DYNC1I2: variants seen among roughly 807,000 people sequenced by gnomAD.
The protein encoded by DYNC1I2 is dynein cytoplasmic 1 intermediate chain 2.
DYNC1I2 carries 53 observed loss-of-function variants against 88.6 expected under a neutral mutation model. The observed-to-expected ratio is 0.60, with a 90% CI of 0.48 to 0.75. The LOEUF (loss-of-function observed/expected upper bound fraction) is 0.75, where lower values mean the gene tolerates loss of function less well. Ranked by LOEUF, DYNC1I2 falls within the 30% of genes least tolerant of loss-of-function variation. DYNC1I2 has a pLI of 0.00. For synonymous variants in DYNC1I2, 198 were observed against 254.6 expected (o/e 0.78, Z 2.12); for missense variants, 458 against 766.6 (o/e 0.60, Z 4.75).
At chr2:171,707,883 C>T (rs1686802084) in intron 5 of DYNC1I2, among the ~76,000 whole-genome samples, 1 of 152,144 alleles carries the variant, frequency 6.6e-6, no homozygotes, top group South Asian at 2.1e-4. Flanking sequence ...CTAAGGACAA[C>T]ATTGAGAATG....
At chr2:171,709,622 T>A (rs984631190) in intron 5 of DYNC1I2, among the ~76,000 whole-genome samples, 4 of 152,248 alleles carry the variant, frequency 2.6e-5, no homozygotes, top group African/African-American at 9.6e-5. Context: ...TAATATTTTT[T>A]AAAGTATTTG....
At chr2:171,739,696 C>CTCTCTCTCTCTCTTTTTTTTTTTT (rs1689267774) in intron 15 of DYNC1I2, among the ~76,000 whole-genome samples, 15 of 65,092 alleles carry the variant, frequency 2.3e-4, no homozygotes, top group African/African-American at 8.6e-4. Flanking sequence ...TGACATATCT[C>CTCTCTCTCTCTCTTTTTTTTTTTT]TTTTTTTTTT....
chr2:171,725,957 A>G lies in DYNC1I2; in HGVS notation c.646A>G (p.Ile216Val), dbSNP rs1189079584. 6.3e-7 allele frequency: 1 copy of G among 1,586,632 alleles called. No individual in the cohort carries two copies. Among genetic ancestry groups the G allele is most frequent in the Non-Finnish European group, 8.5e-7 (1 of 1,172,698 alleles). ...GCTGACTGAAGAAGAAAAGCAACAA[A>G]TCTTGCACTCTGAGGAATTTTTAAG... ...HELTEEEKQQ[I>V]LHSEEFLSFF... Residue 216 changes from isoleucine to valine, a missense_variant, in exon 9 of 18, where the codon ATC becomes GTC. Physicochemically the swap from Ile to Val is conservative, Grantham distance 29. Around this residue, in one of 5 missense-constraint regions of DYNC1I2, gnomAD observed 203 missense variants for 354.2 expected, o/e 0.57. Coordinates refer to ENST00000397119, the MANE Select transcript of DYNC1I2 (RefSeq NM_001378.3).
rs138940034 is a variant in DYNC1I2, at chr2:171,692,949, C to G, written c.226+55C>G. ...AGATAGGCATAGATTCTGTTCAGCTCAGACATAGCTGAGTGGATTGACTTG... is the reference window on the plus strand; with the variant it reads ...AGATAGGCATAGATTCTGTTCAGCTGAGACATAGCTGAGTGGATTGACTTG... On this transcript the variant is annotated intron_variant, in intron 3 of 17. Coordinates refer to ENST00000397119, the MANE Select transcript of DYNC1I2 (RefSeq NM_001378.3). The G allele has an allele frequency of 5.7e-5, 70 of 1,219,552 alleles. No individual in the cohort carries two copies. In the East Asian group the frequency reaches 1.6e-3, roughly 28 times the overall value. The allele number at this position is 1,219,552 out of a possible 1,614,324, so 75.5% of individuals were successfully genotyped here.
At chr2:171,743,456 G>A (rs1350201103) in intron 15 of DYNC1I2, among the ~76,000 whole-genome samples, 1 of 152,186 alleles carries the variant, frequency 6.6e-6, no homozygotes, top group Non-Finnish European at 1.5e-5. Context: ...TTTTGCTGCT[G>A]TTCTCAGATT....
chr2:171,735,202 C>T (rs1437791160), intron 15 of DYNC1I2, among the ~76,000 whole-genome samples: 3 of 152,198 alleles, frequency 2.0e-5, no homozygotes, highest in Non-Finnish European at 1.5e-5. Context: ...TTGGCACAGC[C>T]TCAAATTTAG....
rs1321987671 is a variant in DYNC1I2 at position 171,707,287 on chromosome 2, T to G, written c.245T>G (p.Val82Gly). Residue 82 changes from valine (V) to glycine (G), a missense_variant and splice_region_variant, in exon 5 of 18, where the codon GTC (valine) becomes GGC (glycine). By Grantham distance (109) the Val-to-Gly change is moderately radical. Transcript: ENST00000397119. Reference protein sequence around the residue: ...ESPIVFSEYWVPPPMSPSSKS... With the variant: ...ESPIVFSEYWGPPPMSPSSKS... ...GATACCTGTCTATTTCACTATTTAG[T>G]CCCTCCTCCTATGTCTCCATCCTCC... is the stretch of plus-strand genomic sequence containing the variant. The G allele has an allele frequency of 6.2e-7, 1 of 1,613,856 alleles. No homozygotes were observed. The highest frequency in any genetic ancestry group is 8.5e-7 in the Non-Finnish European group (1 of 1,179,772).
chr2:171,719,445 C>T lies in DYNC1I2; in HGVS notation c.511+4002C>T, dbSNP rs1687756142. On this transcript the variant is annotated intron_variant, in intron 7 of 17. Transcript: ENST00000397119. ...TAACTGTTCTTGTGCTTACCCATCACGTTAATACAGTGGTTCTCAAACTTT... is the reference window on the plus strand; with the variant it reads ...TAACTGTTCTTGTGCTTACCCATCATGTTAATACAGTGGTTCTCAAACTTT... Among the ~76,000 whole-genome samples, 5 of 152,116 alleles carry T rather than the reference C, an allele frequency of 3.3e-5. No individual in the cohort carries two copies. The South Asian group carries it at 8.3e-4, about 25-fold the overall frequency.
intron 3 of DYNC1I2, among the ~76,000 whole-genome samples, chr2:171,700,951 C>G (rs1686210074): frequency 6.6e-6 from 1 of 152,000 alleles, no homozygotes; most frequent in Non-Finnish European, 1.5e-5. Flanking sequence ...GTTTTATAGC[C>G]TGTCTTAGGT....
intron 3 of DYNC1I2, among the ~76,000 whole-genome samples, chr2:171,703,180 C>G (rs1306997390): frequency 6.6e-6 from 1 of 152,184 alleles, no homozygotes; most frequent in Non-Finnish European, 1.5e-5. Context: ...GTCTTACCGC[C>G]TGGTAAGGGC....
intron 5 of DYNC1I2, among the ~76,000 whole-genome samples, chr2:171,709,964 A>C (rs1185979656): frequency 6.6e-6 from 1 of 152,070 alleles, no homozygotes; most frequent in Non-Finnish European, 1.5e-5. Context: ...TGATCCACCC[A>C]CCTCAGCCTC....
In DYNC1I2 at chr2:171,697,037, G is replaced by A. The variant is rs111270250; in HGVS notation, c.226+4143G>A. 9.6e-3 allele frequency among the ~76,000 whole-genome samples: 1,456 copies of A among 151,794 alleles called. 36 individuals are homozygous for A. Among genetic ancestry groups the A allele is most frequent in the African/African-American group, 0.033 (1,372 of 41,388 alleles). On this transcript the variant is annotated intron_variant, in intron 3 of 17. Transcript: ENST00000397119. ...TATTTTTGAGACAAGGTCTTGCTCT[G>A]TCACCTCGGCTGGAATGCAGTGGTG...
At position 171,715,434 on chromosome 2, in the gene DYNC1I2, C is replaced by T. The variant is rs1473190349; in HGVS notation, c.502C>T (p.Pro168Ser). ...KETQTPVMAQPKEDEEEDDDV... is the reference protein window; with the variant it reads ...KETQTPVMAQSKEDEEEDDDV... The stretch of plus-strand genomic sequence containing the variant: ...AACTCAGACTCCAGTTATGGCTCAA[C>T]CCAAAGAAGGTGAATATCTATCCTT... The change falls in exon 7 of 18, where the codon CCC becomes TCC. Residue 168 changes from proline to serine, a missense_variant. Physicochemically the swap from Pro to Ser is moderately conservative, Grantham distance 74. Coordinates refer to ENST00000397119, the MANE Select transcript of DYNC1I2 (RefSeq NM_001378.3). 3 of 1,560,290 alleles carry T rather than the reference C, an allele frequency of 1.9e-6. No homozygotes were observed. The highest frequency in any genetic ancestry group is 1.2e-5 in the South Asian group (1 of 84,660).
In DYNC1I2 at chr2:171,693,072, G is replaced by A. The variant is rs933747623; in HGVS notation, c.226+178G>A. ...ATGCTAGTACATGGTTATTTTATTT[G>A]TTCAAAAGAGCTGCAAGAGTAATTA... On this transcript the variant is annotated intron_variant, in intron 3 of 17. Coordinates refer to ENST00000397119, the MANE Select transcript of DYNC1I2 (RefSeq NM_001378.3). The A allele has an allele frequency of 3.3e-5, 19 of 567,982 alleles. No homozygotes were observed. In the African/African-American group the frequency reaches 3.4e-4, roughly 10 times the overall value. The allele number at this position is 567,982 out of a possible 1,614,324, so 35.2% of individuals were successfully genotyped here. A position where few individuals can be genotyped will look rare whatever the true frequency, so the allele number is the denominator to read the frequency against.
chr2:171,741,847 C>T (rs1358680240), intron 15 of DYNC1I2, among the ~76,000 whole-genome samples: 3 of 151,956 alleles, frequency 2.0e-5, no homozygotes, highest in Admixed American at 6.6e-5. Flanking sequence ...TTTGGGAGGC[C>T]GAGGTGGGTG....
At position 171,726,246 on chromosome 2, in the gene DYNC1I2, C is replaced by T. The variant is rs780891314; in HGVS notation, c.823C>T (p.Arg275Cys). 9 of 1,612,128 alleles carry T rather than the reference C, an allele frequency of 5.6e-6. No homozygotes were observed. Among genetic ancestry groups the T allele is most frequent in the Middle Eastern group, 1.7e-4 (1 of 5,886 alleles). Residue 275 changes from arginine to cysteine, a missense_variant, in exon 10 of 18, where the codon CGT becomes TGT. By Grantham distance (180) the Arg-to-Cys change is radical. Transcript: ENST00000397119. ...ATTAAATCGACAATTTTTTGACGAA[C>T]GTTGGTCAAAGCATCGGGTGGTTAG... Reference protein sequence around the residue: ...LSLNRQFFDERWSKHRVVSCL... With the variant: ...LSLNRQFFDECWSKHRVVSCL...
chr2:171,732,841 G>A (rs1688716071), intron 15 of DYNC1I2, among the ~76,000 whole-genome samples: 1 of 152,050 alleles, frequency 6.6e-6, no homozygotes, highest in African/African-American at 2.4e-5. Flanking sequence ...CTTCCTTTTC[G>A]GTAATTGAAA....
At chr2:171,728,607 G>C (rs1688401886) in intron 13 of DYNC1I2, 110 bp from the exon 14 acceptor site, 3 of 1,052,550 alleles carry the variant, frequency 2.9e-6, no homozygotes, top group Non-Finnish European at 2.7e-6. Context: ...ATTTAATTTA[G>C]ATTTATGTAA....
chr2:171,731,337 A>G (rs1036790411), intron 15 of DYNC1I2, among the ~76,000 whole-genome samples: 2 of 152,234 alleles, frequency 1.3e-5, no homozygotes, highest in African/African-American at 2.4e-5. Flanking sequence ...CTTTGAGCGC[A>G]GGCATGACAC....
Sources: gnomAD v4.1 joint callset for allele counts (sites outside exome capture counted in the v4.1 genomes callset) on GRCh38, gnomAD v4.1.1 for gene constraint, gnomAD v4.1.1 regional missense constraint, MANE v1.5 for transcripts, NCBI Gene and HGNC (gene_info 2026-07-23, HGNC 2026-07-21) for gene names.